GNAO1: variants seen among roughly 807,000 people sequenced by gnomAD.
The protein encoded by GNAO1 is guanine nucleotide-binding protein G(o) subunit alpha.
For missense variants in GNAO1, 166 were observed against 478.7 expected (o/e 0.35, Z 6.10); for synonymous variants, 164 against 180.7 (o/e 0.91, Z 0.74).
chr16:56,301,608 T>A (rs1193342088), intron 3 of GNAO1: 1 of 152,242 alleles, frequency 6.6e-6, no homozygotes, highest in Non-Finnish European at 1.5e-5. Context: ...TGGGTTTTTT[T>A]AATTTTTCAG....
At chr16:56,344,534 G>A in intron 6 of GNAO1, 2 of 987,736 alleles carry the variant, frequency 2.0e-6, no homozygotes, top group Non-Finnish European at 2.4e-6. Context: ...CCTTCTCTGG[G>A]TCATCCTCCC....
At chr16:56,281,263 C>T (rs1221116969) in intron 3 of GNAO1, among the ~76,000 whole-genome samples, 1 of 152,044 alleles carries the variant, frequency 6.6e-6, no homozygotes, top group Non-Finnish European at 1.5e-5. Context: ...TCAAAGAATC[C>T]CATCCTTCAT....
At chr16:56,328,163 C>A (rs1427793567) in intron 3 of GNAO1, among the ~76,000 whole-genome samples, 1 of 152,198 alleles carries the variant, frequency 6.6e-6, no homozygotes, top group East Asian at 1.9e-4. Context: ...TGCATTCCAC[C>A]CTGTGTAAGA....
chr16:56,217,145 G>C (rs1388669610), intron 2 of GNAO1, among the ~76,000 whole-genome samples: 1 of 152,178 alleles, frequency 6.6e-6, no homozygotes, highest in African/African-American at 2.4e-5. Flanking sequence ...AAGATTGATT[G>C]GTAAGTTTTT....
At chr16:56,194,554 G>A (rs983844726) in intron 2 of GNAO1, 8 of 269,318 alleles carry the variant, frequency 3.0e-5, no homozygotes, top group African/African-American at 6.6e-5. Context: ...TAGGTTCGGT[G>A]CGGTCTGGGC....
chr16:56,297,470 A>G (rs939391070), intron 3 of GNAO1, among the ~76,000 whole-genome samples: 1 of 151,622 alleles, frequency 6.6e-6, no homozygotes, highest in Non-Finnish European at 1.5e-5. Context: ...CTGTGCGCAC[A>G]GCCACCCACC....
At chr16:56,346,134 C>T in intron 6 of GNAO1, 1 of 985,454 alleles carries the variant, frequency 1.0e-6, no homozygotes, top group Non-Finnish European at 1.2e-6. Flanking sequence ...GCTCTCAATC[C>T]TCCCACCCTA....
In GNAO1 at chr16:56,336,587, G is replaced by A. The variant is rs1361860772; in HGVS notation, c.594-144G>A. On this transcript the variant is annotated intron_variant, in intron 5 of 8. Coordinates refer to ENST00000262493, the MANE Select transcript of GNAO1 (RefSeq NM_020988.3). ...CCAGCTGTCTGTCATCACCTGGAGT[G>A]ACAAGGTCTTCTAGTGAGGGCTTTT... 8 of 674,232 alleles carry A rather than the reference G, an allele frequency of 1.2e-5. No individual in the cohort carries two copies. The Admixed American group carries it at 1.5e-4, about 12-fold the overall frequency. The allele number at this position is 674,232 out of a possible 1,614,324, so 41.8% of individuals were successfully genotyped here. A position where few individuals can be genotyped will look rare whatever the true frequency, so the allele number is the denominator to read the frequency against.
At chr16:56,310,110 C>G (rs1158112238) in intron 3 of GNAO1, among the ~76,000 whole-genome samples, 1 of 151,228 alleles carries the variant, frequency 6.6e-6, no homozygotes, top group African/African-American at 2.4e-5. Context: ...CCAAGAAGAC[C>G]AGCGTGGGCA....
rs915928585 is a variant in GNAO1 at position 56,281,538 on chromosome 16, C to T, written c.303+5466C>T. ...CCTCCCCTTCTATCTCTCCCTTTCC[C>T]GCCTTCCCTTTTTCCCTTTTCCTCT... On this transcript the variant is annotated intron_variant, in intron 3 of 8. Transcript: ENST00000262493. Among the ~76,000 whole-genome samples the T allele has an allele frequency of 2.6e-5, 4 of 152,014 alleles. No homozygotes were observed. In the East Asian group the frequency reaches 5.8e-4, roughly 22 times the overall value.
chr16:56,252,132 G>A (rs1365419812), intron 2 of GNAO1, among the ~76,000 whole-genome samples: 1 of 152,220 alleles, frequency 6.6e-6, no homozygotes, highest in African/African-American at 2.4e-5. Flanking sequence ...GAGCTGATCA[G>A]GCCAAAATGT....
intron 3 of GNAO1, 76 bp downstream of exon 3, chr16:56,276,148 TG>T: frequency 7.7e-7 from 1 of 1,302,586 alleles, no homozygotes; most frequent in Non-Finnish European, 1.1e-6. Context: ...TTTATAGTGC[TG>T]GGCTGCCTTA....
In GNAO1 at chr16:56,345,877, C is replaced by T. The variant is rs772751643; in HGVS notation, c.724-5507C>T. 3.1e-4 allele frequency: 305 copies of T among 985,360 alleles called. 1 individual carries two copies. The highest frequency in any genetic ancestry group is 3.5e-4 in the Non-Finnish European group (294 of 829,966). The allele number at this position is 985,360 out of a possible 1,614,324, so 61.0% of individuals were successfully genotyped here. On this transcript the variant is annotated intron_variant, in intron 6 of 8. Coordinates refer to ENST00000262493, the MANE Select transcript of GNAO1 (RefSeq NM_020988.3). ...GCCGGCAAAAGGGGGATGCTGGCCA[C>T]GCCCCACCTCTAAGGCCATCACCCT...
chr16:56,283,646 C>T (rs1220359050), intron 3 of GNAO1, among the ~76,000 whole-genome samples: 2 of 152,232 alleles, frequency 1.3e-5, no homozygotes, highest in Non-Finnish European at 2.9e-5. Context: ...CCTGTGTCTC[C>T]CTGAGTCCCC....
At chr16:56,273,189 T>C (rs1359967286) in intron 2 of GNAO1, among the ~76,000 whole-genome samples, 4 of 152,240 alleles carry the variant, frequency 2.6e-5, no homozygotes, top group Non-Finnish European at 4.4e-5. Flanking sequence ...TGAAGTTTTA[T>C]TTCTATGTAT....
intron 6 of GNAO1, chr16:56,343,662 G>A (rs2037828884): frequency 1.1e-6 from 1 of 875,918 alleles, no homozygotes; most frequent in Non-Finnish European, 1.8e-6. Context: ...GTCTCTGAGA[G>A]GCCCAAGGCC....
chr16:56,337,028 A>C (rs2037746995), intron 6 of GNAO1, among the ~76,000 whole-genome samples, 168 bp downstream of exon 6: 1 of 152,202 alleles, frequency 6.6e-6, no homozygotes, highest in South Asian at 2.1e-4. Context: ...CACTCCACCA[A>C]TTCTGTATTG....
At chr16:56,293,015 G>T (rs1596846713) in intron 3 of GNAO1, among the ~76,000 whole-genome samples, 1 of 152,194 alleles carries the variant, frequency 6.6e-6, no homozygotes, top group South Asian at 2.1e-4. Context: ...CCTGTGGTCA[G>T]TGGTTCAGCC....
chr16:56,275,811 A>G (rs755285404), intron 2 of GNAO1, 120 bp from the exon 3 acceptor site: 9 of 686,082 alleles, frequency 1.3e-5, no homozygotes, highest in Non-Finnish European at 2.0e-5. Context: ...GTAGCAACTC[A>G]GTAACTCAGC....
Sources: allele counts gnomAD v4.1 joint callset (sites outside exome capture counted in the v4.1 genomes callset), GRCh38; gene constraint gnomAD v4.1.1; transcripts MANE v1.5; gene names NCBI Gene and HGNC (gene_info 2026-07-23, HGNC 2026-07-21).